Variants in GALNT10 observed in about 807,000 individuals in gnomAD.
GALNT10 encodes GalNAc transferase 10.
GALNT10 carries 41 observed loss-of-function variants against 75.0 expected under a neutral mutation model. The ratio of observed to expected loss-of-function variants is 0.55; its 90% CI spans 0.43 to 0.71. GALNT10 has a LOEUF of 0.71. Ranked by LOEUF, GALNT10 falls within the 30% of genes least tolerant of loss-of-function variation. The pLI is 0.00. For synonymous variants in GALNT10, 302 were observed against 313.0 expected (o/e 0.96, Z 0.37); for missense variants, 727 against 818.5 (o/e 0.89, Z 1.36).
rs750481524 is a variant in GALNT10, at chr5:154,412,981, G to A, written c.1479G>A (p.Gly493=). The A allele has an allele frequency of 6.2e-6, 10 of 1,611,920 alleles. No individual in the cohort carries two copies. The South Asian group carries it at 9.9e-5, about 16-fold the overall frequency. ...LRLEGCVRGR[G]EAAWNNMQVF... is the part of the protein sequence containing the mutation. Reference sequence around the variant, plus strand: ...TAGAGGGCTGCGTCCGAGGCCGTGGGGAGGCTGCCTGGAACAACATGCAGG... The same window carrying A: ...TAGAGGGCTGCGTCCGAGGCCGTGGAGAGGCTGCCTGGAACAACATGCAGG... The change falls in exon 10 of 12, where the codon GGG becomes GGA. Residue 493 remains glycine (G), a synonymous_variant. Transcript: ENST00000297107. The surrounding 1 kb of genome is among the most constrained non-coding windows in gnomAD (Gnocchi z 4.2).
intron 1 of GALNT10, among the ~76,000 whole-genome samples, chr5:154,204,381 T>A (rs1215653190): frequency 6.6e-6 from 1 of 152,162 alleles, no homozygotes; most frequent in Admixed American, 6.5e-5. Flanking sequence ...CTCTCCTACC[T>A]CCACCCTGAA....
At chr5:154,329,871 T>G (rs1463866245) in intron 4 of GALNT10, 133 bp downstream of exon 4, 2 of 519,568 alleles carry the variant, frequency 3.8e-6, no homozygotes, top group Admixed American at 3.2e-5. Context: ...GACGTTGCAC[T>G]GTGCACACAT....
At chr5:154,345,799 CG>C (rs1170386382) in intron 4 of GALNT10, among the ~76,000 whole-genome samples, 3 of 107,116 alleles carry the variant, frequency 2.8e-5, no homozygotes, top group Admixed American at 1.2e-4. Flanking sequence ...CTACACCCGG[CG>C]AATTTTTTTT....
At chr5:154,396,865 A>G (rs1033545266) in intron 7 of GALNT10, among the ~76,000 whole-genome samples, 2 of 152,136 alleles carry the variant, frequency 1.3e-5, no homozygotes, top group Non-Finnish European at 2.9e-5. Context: ...GGTGGCTCAC[A>G]CCTGTAATTC....
At chr5:154,371,557 TGTGTGTACAC>T (rs1334214376) in intron 4 of GALNT10, among the ~76,000 whole-genome samples, 5 of 54,614 alleles carry the variant, frequency 9.2e-5, no homozygotes, top group African/African-American at 2.3e-4. Flanking sequence ...TGTGTGTGTG[TGTGTGTACAC>T]ACACACACAC....
rs566743979 is a variant in GALNT10 at position 154,297,883 on chromosome 5, C to G, written c.263-58C>G. On this transcript the variant is annotated intron_variant, in intron 2 of 11. Transcript: ENST00000297107. The stretch of plus-strand genomic sequence containing the variant: ...TCATATTTTTCATCCTTTTTCCCCA[C>G]TCCATATACAGTACCCCATACATCA... 12 of 1,475,210 alleles carry G rather than the reference C, an allele frequency of 8.1e-6. No individual in the cohort carries two copies. In the South Asian group the frequency reaches 8.3e-5, roughly 10 times the overall value. 91.4% of individuals were successfully genotyped at this position (1,475,210 alleles called of 1,614,324 possible). A position where few individuals can be genotyped will look rare whatever the true frequency, so the allele number is the denominator to read the frequency against.
chr5:154,299,105 G>C (rs576705200), intron 3 of GALNT10, among the ~76,000 whole-genome samples: 2 of 152,358 alleles, frequency 1.3e-5, no homozygotes, highest in South Asian at 4.1e-4. Flanking sequence ...ACATTTATTA[G>C]TTGCTTACTG....
chr5:154,227,308 A>C (rs2113660008), intron 1 of GALNT10, among the ~76,000 whole-genome samples: 1 of 152,348 alleles, frequency 6.6e-6, no homozygotes, highest in African/African-American at 2.4e-5. Flanking sequence ...CATCCTCACC[A>C]ACACTTAGTA....
At chr5:154,232,852 A>G (rs1348170790) in intron 1 of GALNT10, among the ~76,000 whole-genome samples, 1 of 152,246 alleles carries the variant, frequency 6.6e-6, no homozygotes, top group African/African-American at 2.4e-5. Context: ...GTCTTTGGGA[A>G]CAAAATTAAT....
chr5:154,304,915 T>C (rs1004762348), intron 3 of GALNT10, among the ~76,000 whole-genome samples: 2 of 152,024 alleles, frequency 1.3e-5, no homozygotes, highest in African/African-American at 4.8e-5. Context: ...AAAACAGAAT[T>C]ATAGCTAATA....
At chr5:154,369,028 G>A (rs867605930) in intron 4 of GALNT10, among the ~76,000 whole-genome samples, 3 of 152,148 alleles carry the variant, frequency 2.0e-5, no homozygotes, top group South Asian at 4.1e-4. Context: ...AAACTTCTAT[G>A]AGACTCATTT....
intron 1 of GALNT10, among the ~76,000 whole-genome samples, chr5:154,274,390 G>A (rs1753918161): frequency 6.6e-6 from 1 of 152,172 alleles, no homozygotes; most frequent in African/African-American, 2.4e-5. Flanking sequence ...GCTTACTTAT[G>A]CTACTATCTT....
intron 1 of GALNT10, among the ~76,000 whole-genome samples, chr5:154,262,977 C>T (rs1753721935): frequency 6.6e-6 from 1 of 151,936 alleles, no homozygotes; most frequent in African/African-American, 2.4e-5. Context: ...GCTATAAAAG[C>T]AATTTAGAGA....
intron 6 of GALNT10, among the ~76,000 whole-genome samples, chr5:154,385,895 G>C (rs1043440634): frequency 4.6e-5 from 7 of 152,180 alleles, no homozygotes; most frequent in Non-Finnish European, 8.8e-5. Context: ...CTGAGGTGGG[G>C]CCCAGCGAGC....
chr5:154,386,875 GA>G (rs1316121175), intron 7 of GALNT10: 2 of 218,518 alleles, frequency 9.2e-6, no homozygotes, highest in African/African-American at 4.6e-5. Flanking sequence ...GTTTGACAAA[GA>G]CCAGTGAGCA....
At chr5:154,394,120 G>C (rs1755965575) in intron 7 of GALNT10, among the ~76,000 whole-genome samples, 1 of 152,090 alleles carries the variant, frequency 6.6e-6, no homozygotes, top group Non-Finnish European at 1.5e-5. Context: ...GCAAGGGAGT[G>C]ATAGAAAGCC....
At chr5:154,347,081 A>G (rs755205768) in intron 4 of GALNT10, 18 of 475,454 alleles carry the variant, frequency 3.8e-5, no homozygotes, top group South Asian at 2.2e-4. Context: ...ATATGAGAAC[A>G]GTAATAAATG....
chr5:154,393,452 A>G (rs1397509785), intron 7 of GALNT10, among the ~76,000 whole-genome samples: 1 of 152,180 alleles, frequency 6.6e-6, no homozygotes, highest in Non-Finnish European at 1.5e-5. Context: ...TCTTCAAAGT[A>G]CAGCCGTCTC....
intron 3 of GALNT10, among the ~76,000 whole-genome samples, chr5:154,321,863 A>T (rs1456302325): frequency 6.6e-6 from 1 of 152,190 alleles, no homozygotes; most frequent in Non-Finnish European, 1.5e-5. Flanking sequence ...TTGCTGTTGC[A>T]TGAGACTCTG....
Sources: allele counts gnomAD v4.1 joint callset (sites outside exome capture counted in the v4.1 genomes callset), GRCh38; gene constraint gnomAD v4.1.1; non-coding constraint Gnocchi (gnomAD v3.1); transcripts MANE v1.5; gene names NCBI Gene and HGNC (gene_info 2026-07-23, HGNC 2026-07-21).